NPHP3: variants seen among roughly 807,000 people sequenced by gnomAD.
The protein encoded by NPHP3 is nephrocystin-3.
In NPHP3, 123 loss-of-function variants were observed where a neutral mutation model predicts 171.9. The ratio of observed to expected loss-of-function variants is 0.72; its 90% CI spans 0.62 to 0.83. The LOEUF (loss-of-function observed/expected upper bound fraction) is 0.83. Among genes scored for constraint, NPHP3 ranks in the 40% least tolerant of loss-of-function variants. The pLI is 0.00. For synonymous variants in NPHP3, 558 were observed against 579.2 expected, an observed-to-expected ratio of 0.96 and a Z score of 0.52; for missense variants, 1,506 against 1,591.9, an observed-to-expected ratio of 0.95 and a Z score of 0.92.
chr3:132,699,863 C>G, intron 12 of NPHP3, 55 bp downstream of exon 12: 1 of 1,574,258 alleles, frequency 6.4e-7, no homozygotes, highest in East Asian at 2.2e-5. Context: ...CTAGCTATTA[C>G]TGAATTTACA....
chr3:132,684,603 G>A lies in NPHP3; in HGVS notation c.3521C>T (p.Pro1174Leu), dbSNP rs1411458250. Residue 1174 changes from proline to leucine, a missense_variant, in exon 24 of 27, where the codon CCT becomes CTT. This residue lies in a region of NPHP3 where 569 missense variants were observed against 648.1 expected (regional missense o/e 0.88). Transcript: ENST00000337331. ...IRRRALAPDH[P>L]SLAYTVKHLA... ...ATGCTTCACCGTATATGCCAAAGAA[G>A]GGTGATCAGGAGCTAATGCACGTCT... The A allele has an allele frequency of 4.3e-6, 7 of 1,613,864 alleles. No homozygotes were observed. In the Admixed American group the frequency reaches 5.0e-5, roughly 12 times the overall value.
At chr3:132,682,957 G>A (rs1332479102) in intron 25 of NPHP3, 139 bp from the exon 26 acceptor site, 7 of 665,894 alleles carry the variant, frequency 1.1e-5, no homozygotes, top group Non-Finnish European at 1.9e-5. Flanking sequence ...ATTAACTTAT[G>A]AATAATCATA....
intron 26 of NPHP3, 55 bp from the exon 27 acceptor site, chr3:132,682,145 C>CA: frequency 1.4e-6 from 2 of 1,479,922 alleles, no homozygotes; most frequent in Non-Finnish European, 1.9e-6. Context: ...CTTACCAATT[C>CA]AAAATGACCT....
chr3:132,683,274 G>T, intron 25 of NPHP3, 125 bp downstream of exon 25: 1 of 885,702 alleles, frequency 1.1e-6, no homozygotes. Context: ...AGTACTAAAG[G>T]AAGTATTAGA....
intron 9 of NPHP3, 145 bp from the exon 10 acceptor site, chr3:132,701,678 T>C (rs1366336681): frequency 1.1e-5 from 7 of 641,710 alleles, no homozygotes; most frequent in Admixed American, 1.0e-4. Flanking sequence ...ACCCTCATAA[T>C]TGCCTACTTT....
rs1939602973 is a variant in NPHP3 at position 132,701,427 on chromosome 3, T to C, written c.1628+3A>G. On this transcript the variant is annotated splice_donor_region_variant and intron_variant, in intron 10 of 26. Transcript: ENST00000337331. ...ACAATAATTTAATTGCACTGCATCA[T>C]ACCACTTTGATAAAAGAAGAGACTT... The C allele has an allele frequency of 1.3e-6, 2 of 1,577,200 alleles. No individual in the cohort carries two copies. Among genetic ancestry groups the C allele is most frequent in the Non-Finnish European group, 1.7e-6 (2 of 1,146,472 alleles).
Position 132,696,812 on chromosome 3 carries a change from T to C in NPHP3, c.2090A>G (p.Glu697Gly). 6.2e-7 allele frequency: 1 copy of C among 1,613,352 alleles called. No homozygotes were observed. Among genetic ancestry groups the C allele is most frequent in the Non-Finnish European group, 8.5e-7 (1 of 1,179,432 alleles). ...SVDIKLSKEQ[E>G]KKLERHCRSA... ...ACGACAGTGTCGTTCTAGCTTCTTC[T>C]CCTGCACCAGTTTACCAAGAAAAAC... The change falls in exon 15 of 27, where the codon GAG (glutamate) becomes GGG (glycine). Residue 697 changes from glutamate (E) to glycine (G), a missense_variant and splice_region_variant. By Grantham distance (98) the Glu-to-Gly change is moderately conservative. Transcript: ENST00000337331.
At chr3:132,698,450 G>T (rs1027703303) in intron 13 of NPHP3, among the ~76,000 whole-genome samples, 5 of 150,938 alleles carry the variant, frequency 3.3e-5, no homozygotes, top group African/African-American at 7.3e-5. Context: ...GCTAATTTTT[G>T]TATTTTTGGT....
chr3:132,716,417 A>G (rs565077237), intron 4 of NPHP3, among the ~76,000 whole-genome samples: 2 of 152,334 alleles, frequency 1.3e-5, no homozygotes, highest in South Asian at 4.1e-4. Context: ...AATCTTCAAC[A>G]CTATCAAAGA....
At chr3:132,707,574 A>G (rs889630526) in intron 7 of NPHP3, among the ~76,000 whole-genome samples, 7 of 152,058 alleles carry the variant, frequency 4.6e-5, no homozygotes, top group African/African-American at 1.7e-4. Flanking sequence ...TACAGATCAT[A>G]CTCTTGCTAG....
rs1939096696 is a variant in NPHP3, at chr3:132,684,032, G to A, written c.3571-508C>T. ...ATGCTAAATGAAAGCAGGCTTCCCT[G>A]GAATTTTTTCTTTTTTGAGAACAGC... On this transcript the variant is annotated intron_variant, in intron 24 of 26. Transcript: ENST00000337331. Among the ~76,000 whole-genome samples the A allele has an allele frequency of 4.6e-5, 7 of 152,124 alleles. No individual in the cohort carries two copies. In the South Asian group the frequency reaches 1.5e-3, roughly 32 times the overall value.
rs922193392 is a variant in NPHP3, at chr3:132,691,356, CA to C, written c.2476-71del. On this transcript the variant is annotated intron_variant, in intron 17 of 26. Transcript: ENST00000337331. The stretch of plus-strand genomic sequence containing the variant: ...CACTGTACATCTAACAAGAGATTTG[CA>C]AAAAAGAATTTATAATTATTCCTAT... The C allele has an allele frequency of 1.8e-5, 19 of 1,056,476 alleles. No homozygotes were observed. The Admixed American group carries it at 2.3e-4, about 13-fold the overall frequency. 65.4% of individuals were successfully genotyped at this position (1,056,476 alleles called of 1,614,324 possible).
chr3:132,690,074 A>T (rs1214786740), intron 19 of NPHP3, among the ~76,000 whole-genome samples: 1 of 152,200 alleles, frequency 6.6e-6, no homozygotes, highest in East Asian at 1.9e-4. Context: ...TACATTTTTG[A>T]ATTAGGGTAA....
intron 3 of NPHP3, 128 bp from the exon 4 acceptor site, chr3:132,717,037 G>A: frequency 1.9e-6 from 2 of 1,060,182 alleles, no homozygotes; most frequent in Non-Finnish European, 1.4e-6. Flanking sequence ...AAATGATTTT[G>A]AAAATACTTT....
chr3:132,704,487 C>T (rs1939696102), intron 8 of NPHP3, 116 bp from the exon 9 acceptor site: 1 of 911,836 alleles, frequency 1.1e-6, no homozygotes, highest in Non-Finnish European at 1.8e-6. Context: ...TTCAAACATA[C>T]AGCCTTTGTA....
rs111639614 is a variant in NPHP3 at position 132,683,770 on chromosome 3, G to A, written c.3571-246C>T. On this transcript the variant is annotated intron_variant, in intron 24 of 26. Transcript: ENST00000337331. The stretch of plus-strand genomic sequence containing the variant: ...ATCATCCACTATTACTGTTTCTAGT[G>A]TAGTAAAAACATATCAGCTGAAGTA... Among the ~76,000 whole-genome samples the A allele has an allele frequency of 1.2e-3, 184 of 152,278 alleles. 1 individual carries two copies. Among genetic ancestry groups the A allele is most frequent in the African/African-American group, 3.8e-3 (157 of 41,558 alleles).
At position 132,689,013 on chromosome 3, in the gene NPHP3, G is replaced by C. The variant is rs1939233260; in HGVS notation, c.2883+61C>G. On this transcript the variant is annotated intron_variant, in intron 20 of 26. Transcript: ENST00000337331. ...AAACCACATTAACATCTTGGAAAAA[G>C]AGAAGAGTGAACACAAAAATCCCAC... The C allele has an allele frequency of 3.7e-6, 6 of 1,611,938 alleles. No individual in the cohort carries two copies. In the Admixed American group the frequency reaches 1.0e-4, roughly 27 times the overall value.
intron 21 of NPHP3, among the ~76,000 whole-genome samples, chr3:132,688,185 T>G (rs1002781542): frequency 6.6e-6 from 1 of 152,228 alleles, no homozygotes; most frequent in East Asian, 1.9e-4. Context: ...AAACTGTGTT[T>G]TATGCACAAA....
At chr3:132,719,924 C>T (rs898075589) in intron 1 of NPHP3, 94 bp from the exon 2 acceptor site, 4 of 477,434 alleles carry the variant, frequency 8.4e-6, no homozygotes, top group South Asian at 6.1e-5. Flanking sequence ...ATATATGTTA[C>T]GTATCTTAGA....
Sources: gnomAD v4.1 joint callset for allele counts (sites outside exome capture counted in the v4.1 genomes callset) on GRCh38, gnomAD v4.1.1 for gene constraint, gnomAD v4.1.1 regional missense constraint, MANE v1.5 for transcripts, NCBI Gene and HGNC (gene_info 2026-07-23, HGNC 2026-07-21) for gene names.